Variants in ZRANB3 observed in about 807,000 individuals in gnomAD.
The protein encoded by ZRANB3 is DNA annealing helicase and endonuclease ZRANB3.
In ZRANB3, 125 loss-of-function variants were observed where a neutral mutation model predicts 133.8. The ratio of observed to expected loss-of-function variants is 0.93; its 90% CI spans 0.81 to 1.08. ZRANB3 has a LOEUF of 1.08. Among genes scored for constraint, ZRANB3 ranks in the 50% least tolerant of loss-of-function variants. ZRANB3 has a pLI of 0.00. For synonymous variants in ZRANB3, 387 were observed against 432.7 expected (o/e 0.89, Z 1.31); for missense variants, 1,229 against 1,275.5 (o/e 0.96, Z 0.56).
intron 2 of ZRANB3, among the ~76,000 whole-genome samples, chr2:135,411,012 G>A (rs1688277812): frequency 6.6e-6 from 1 of 152,176 alleles, no homozygotes; most frequent in Non-Finnish European, 1.5e-5. Context: ...GCCAATGTGG[G>A]CAGACTGCTT....
chr2:135,524,081 G>T (rs1017882955), intron 1 of ZRANB3, among the ~76,000 whole-genome samples: 1 of 151,874 alleles, frequency 6.6e-6, no homozygotes, highest in Non-Finnish European at 1.5e-5. Context: ...CATTTTGGTC[G>T]AATTCTTTTT....
At position 135,350,097 on chromosome 2, in the gene ZRANB3, G is replaced by C; in HGVS notation, c.478C>G (p.His160Asp). 2 of 1,613,796 alleles carry C rather than the reference G, an allele frequency of 1.2e-6. No individual in the cohort carries two copies. Among genetic ancestry groups the C allele is most frequent in the South Asian group, 2.2e-5 (2 of 91,078 alleles). The change falls in exon 5 of 21, where the codon CAC becomes GAC. Residue 160 changes from histidine (H) to aspartate (D), a missense_variant. His to Asp is a moderately conservative substitution (Grantham distance 81). Transcript: ENST00000264159. ...NFKVVIVDESHYMKSRNATRS... is the reference protein window; with the variant it reads ...NFKVVIVDESDYMKSRNATRS... ...GTTGCATTTCTGGATTTCATGTAGT[G>C]TGATTCATCCACTATAACTACTTTG...
chr2:135,407,965 T>G (rs1210373012), intron 2 of ZRANB3, among the ~76,000 whole-genome samples: 10 of 149,954 alleles, frequency 6.7e-5, no homozygotes, highest in Non-Finnish European at 1.2e-4. Flanking sequence ...AAAGCCAAAA[T>G]TGTCAAATGG....
At chr2:135,315,314 C>A in intron 7 of ZRANB3, 45 bp downstream of exon 7, 3 of 1,412,914 alleles carry the variant, frequency 2.1e-6, no homozygotes, top group South Asian at 1.9e-5. Flanking sequence ...TAGTGTAATT[C>A]AAAATTATTT....
intron 2 of ZRANB3, among the ~76,000 whole-genome samples, chr2:135,432,930 T>C (rs939124857): frequency 6.6e-6 from 1 of 152,182 alleles, no homozygotes; most frequent in Non-Finnish European, 1.5e-5. Flanking sequence ...TATTTGGCAT[T>C]AGGAGCCTGT....
At chr2:135,494,159 AAGGAAGGGAGGGAGGGAGGG>A (rs1692549144) in intron 2 of ZRANB3, among the ~76,000 whole-genome samples, 2 of 90,792 alleles carry the variant, frequency 2.2e-5, no homozygotes, top group Admixed American at 1.4e-4. Context: ...GGAAGGAAGG[AAGGAAGGGAGGGAGGGAGGG>A]AGGGAGGGAG....
At chr2:135,353,859 G>C (rs878946062) in intron 3 of ZRANB3, among the ~76,000 whole-genome samples, 62 of 151,944 alleles carry the variant, frequency 4.1e-4, no homozygotes, top group Admixed American at 1.2e-3. Context: ...CAAAAAATTA[G>C]CTGGGCGTGG....
chr2:135,427,671 G>A (rs1263048729), intron 2 of ZRANB3, among the ~76,000 whole-genome samples: 1 of 152,168 alleles, frequency 6.6e-6, no homozygotes, highest in Non-Finnish European at 1.5e-5. Context: ...AACTGCCAAT[G>A]ACATTCTTCA....
chr2:135,512,988 G>T (rs939487891), intron 1 of ZRANB3, among the ~76,000 whole-genome samples: 1 of 152,220 alleles, frequency 6.6e-6, no homozygotes, highest in South Asian at 2.1e-4. Context: ...GCAAAGACAG[G>T]AGTATTATTT....
At chr2:135,246,071 C>G (rs1695789787) in intron 12 of ZRANB3, among the ~76,000 whole-genome samples, 1 of 116,828 alleles carries the variant, frequency 8.6e-6, no homozygotes. Flanking sequence ...CAGAGTCTTG[C>G]TCTGTTGCTC....
chr2:135,240,619 CCCAGG>C (rs2105082033), intron 12 of ZRANB3, among the ~76,000 whole-genome samples: 4 of 152,262 alleles, frequency 2.6e-5, no homozygotes, highest in Non-Finnish European at 5.9e-5. Flanking sequence ...TCCTCTGTCA[CCCAGG>C]TTGGAGTGTA....
chr2:135,213,975 CA>C (rs1376710711), intron 17 of ZRANB3, among the ~76,000 whole-genome samples: 1 of 151,994 alleles, frequency 6.6e-6, no homozygotes, highest in Non-Finnish European at 1.5e-5. Flanking sequence ...GCTGATGGTC[CA>C]GCCGACAGCC....
intron 12 of ZRANB3, among the ~76,000 whole-genome samples, chr2:135,248,425 T>C (rs533879673): frequency 2.0e-5 from 3 of 152,282 alleles, no homozygotes; most frequent in Admixed American, 1.3e-4. Context: ...AAGCAACAGT[T>C]GACAAGTGGG....
chr2:135,439,947 A>G (rs1689707224), intron 2 of ZRANB3, among the ~76,000 whole-genome samples: 1 of 152,174 alleles, frequency 6.6e-6, no homozygotes, highest in African/African-American at 2.4e-5. Flanking sequence ...GATGCAATTT[A>G]TGTTATATTC....
At chr2:135,277,822 G>A (rs1020471317) in intron 8 of ZRANB3, among the ~76,000 whole-genome samples, 3 of 151,832 alleles carry the variant, frequency 2.0e-5, no homozygotes, top group African/African-American at 7.3e-5. Context: ...CTACTTGGGA[G>A]GCTGAGGCAG....
rs371776103 is a variant in ZRANB3 at position 135,504,348 on chromosome 2, C to A, written c.142G>T (p.Ala48Ser). The change falls in exon 2 of 21, where the codon GCC becomes TCC. Residue 48 changes from alanine to serine, a missense_variant. Physicochemically the swap from Ala to Ser is moderately conservative, Grantham distance 99. Transcript: ENST00000264159. ...CTTTACCTGCCATTTCTTTTGAGGG[C>A]AAAAATGATGCCATCTTTCTGGAAT... ...LPFQKDGIIF[A>S]LKRNGRCMVA... 1 of 1,613,236 alleles carries A rather than the reference C, an allele frequency of 6.2e-7. No homozygotes were observed. Among genetic ancestry groups the A allele is most frequent in the East Asian group, 2.2e-5 (1 of 44,776 alleles).
At chr2:135,513,371 G>T (rs1287951189) in intron 1 of ZRANB3, among the ~76,000 whole-genome samples, 1 of 152,108 alleles carries the variant, frequency 6.6e-6, no homozygotes. Context: ...CAACCAGCTA[G>T]GTCAATGGAA....
intron 2 of ZRANB3, among the ~76,000 whole-genome samples, chr2:135,445,897 G>C (rs1274646885): frequency 1.4e-5 from 2 of 138,786 alleles, no homozygotes; most frequent in South Asian, 4.6e-4. Flanking sequence ...AAAAAGAAAA[G>C]AAAAACAAAA....
chr2:135,403,299 A>G (rs1390888933), intron 2 of ZRANB3, among the ~76,000 whole-genome samples: 3 of 152,008 alleles, frequency 2.0e-5, no homozygotes. Flanking sequence ...GCACACCAGG[A>G]GATTATATCC....
Sources: allele counts gnomAD v4.1 joint callset (sites outside exome capture counted in the v4.1 genomes callset), GRCh38; gene constraint gnomAD v4.1.1; transcripts MANE v1.5; gene names NCBI Gene and HGNC (gene_info 2026-07-23, HGNC 2026-07-21).